KCNH1: variants seen among roughly 807,000 people sequenced by gnomAD.
KCNH1 encodes the protein voltage-gated delayed rectifier potassium channel KCNH1.
KCNH1 carries 27 observed loss-of-function variants against 69.2 expected under a neutral mutation model. The observed-to-expected ratio is 0.39, with a 90% CI of 0.29 to 0.54. The LOEUF (loss-of-function observed/expected upper bound fraction) is 0.54, where lower values mean the gene tolerates loss of function less well. Among genes scored for constraint, KCNH1 ranks in the 20% least tolerant of loss-of-function variants. KCNH1 has a pLI of 0.68. For synonymous variants in KCNH1, 456 were observed against 487.7 expected (o/e 0.93, Z 0.86); for missense variants, 798 against 1,261.6 (o/e 0.63, Z 5.57).
intron 7 of KCNH1, among the ~76,000 whole-genome samples, chr1:210,897,262 G>A (rs1686888903): frequency 6.6e-6 from 1 of 152,228 alleles, no homozygotes; most frequent in South Asian, 2.1e-4. Context: ...GAAAAGAGAA[G>A]TAGAAATCCT....
At chr1:211,104,645 A>T (rs932137648) in intron 2 of KCNH1, among the ~76,000 whole-genome samples, 1 of 152,122 alleles carries the variant, frequency 6.6e-6, no homozygotes, top group Non-Finnish European at 1.5e-5. Context: ...ACATCTTTCA[A>T]TGGGGCTGGA....
At chr1:211,068,760 A>G (rs868808633) in intron 5 of KCNH1, among the ~76,000 whole-genome samples, 1 of 152,196 alleles carries the variant, frequency 6.6e-6, no homozygotes, top group African/African-American at 2.4e-5. Flanking sequence ...AAAGCTAGAA[A>G]GACAGACTGG....
intron 5 of KCNH1, among the ~76,000 whole-genome samples, chr1:211,022,891 C>G (rs984534589): frequency 1.3e-5 from 2 of 152,030 alleles, no homozygotes; most frequent in Non-Finnish European, 2.9e-5. Context: ...GAGGGTGGAT[C>G]ACCTGAGGTC....
At chr1:211,016,276 C>T (rs998081625) in intron 6 of KCNH1, among the ~76,000 whole-genome samples, 4 of 152,034 alleles carry the variant, frequency 2.6e-5, no homozygotes, top group Non-Finnish European at 5.9e-5. Flanking sequence ...GAACTCTTTC[C>T]TAGGGGAGAA....
At chr1:211,109,983 T>C (rs1300849825) in intron 1 of KCNH1, among the ~76,000 whole-genome samples, 2 of 149,130 alleles carry the variant, frequency 1.3e-5, no homozygotes, top group African/African-American at 2.5e-5. Context: ...GATAAAGTCT[T>C]ACAGAAAGTA....
intron 6 of KCNH1, among the ~76,000 whole-genome samples, chr1:210,977,727 G>T (rs544893283): frequency 6.6e-6 from 1 of 152,168 alleles, no homozygotes; most frequent in South Asian, 2.1e-4. Flanking sequence ...AAGGTAACTG[G>T]GCTGAATCCT....
At chr1:210,795,044 A>T (rs1414208419) in intron 9 of KCNH1, among the ~76,000 whole-genome samples, 1 of 152,198 alleles carries the variant, frequency 6.6e-6, no homozygotes, top group African/African-American at 2.4e-5. Flanking sequence ...TGCAGGGTTC[A>T]GTGGATACCA....
intron 5 of KCNH1, among the ~76,000 whole-genome samples, chr1:211,026,400 C>A (rs7540154): frequency 4.3e-5 from 6 of 138,998 alleles, no homozygotes; most frequent in African/African-American, 5.3e-5. Flanking sequence ...AAAAAACAAC[C>A]ACAACAACAA....
intron 6 of KCNH1, among the ~76,000 whole-genome samples, chr1:210,985,445 C>A (rs911557375): frequency 2.1e-4 from 32 of 152,184 alleles, no homozygotes; most frequent in Admixed American, 1.3e-4. Context: ...CCTCTACACA[C>A]TGCTTTGAAC....
intron 10 of KCNH1, among the ~76,000 whole-genome samples, chr1:210,770,256 A>T (rs1012354138): frequency 6.6e-6 from 1 of 152,230 alleles, no homozygotes; most frequent in Non-Finnish European, 1.5e-5. Flanking sequence ...CCTAATGCAC[A>T]TGGGACTTAA....
At chr1:210,736,495 A>G (rs1026044266) in intron 10 of KCNH1, among the ~76,000 whole-genome samples, 34 of 152,216 alleles carry the variant, frequency 2.2e-4, no homozygotes, top group African/African-American at 7.9e-4. Context: ...TGCAGTGAGC[A>G]GAGATCGCGC....
chr1:210,805,315 T>C (rs888408853), intron 7 of KCNH1, among the ~76,000 whole-genome samples: 10 of 152,206 alleles, frequency 6.6e-5, no homozygotes, highest in Non-Finnish European at 1.2e-4. Flanking sequence ...ATTATTGATA[T>C]ATAATAAACT....
At chr1:211,074,407 G>C (rs1398357294) in intron 5 of KCNH1, among the ~76,000 whole-genome samples, 1 of 151,972 alleles carries the variant, frequency 6.6e-6, no homozygotes, top group African/African-American at 2.4e-5. Context: ...TTACAGGATA[G>C]GAAGAAGAAA....
At chr1:211,128,260 G>C (rs1330642052) in intron 1 of KCNH1, among the ~76,000 whole-genome samples, 2 of 146,788 alleles carry the variant, frequency 1.4e-5, no homozygotes, top group Non-Finnish European at 3.0e-5. Context: ...CTGCACTCCA[G>C]CGACAAAGTG....
At chr1:210,985,991 T>G (rs531444858) in intron 6 of KCNH1, among the ~76,000 whole-genome samples, 91 of 152,232 alleles carry the variant, frequency 6.0e-4, no homozygotes, top group Admixed American at 2.2e-3. Flanking sequence ...TATATATTTA[T>G]GATAGTTAGC....
At chr1:211,075,774 G>A (rs537548606) in intron 5 of KCNH1, among the ~76,000 whole-genome samples, 1 of 152,352 alleles carries the variant, frequency 6.6e-6, no homozygotes, top group Admixed American at 6.5e-5. Flanking sequence ...AAGCAGGGCG[G>A]AGCATTGCCT....
intron 10 of KCNH1, among the ~76,000 whole-genome samples, chr1:210,716,772 T>C (rs1025409019): frequency 6.6e-6 from 1 of 152,188 alleles, no homozygotes; most frequent in Non-Finnish European, 1.5e-5. Context: ...GCTCTCTCTG[T>C]TCCAACTATG....
intron 6 of KCNH1, among the ~76,000 whole-genome samples, chr1:210,993,505 C>G (rs142444281): frequency 9.8e-5 from 15 of 152,348 alleles, no homozygotes; most frequent in African/African-American, 3.4e-4. Context: ...TCAATACTCT[C>G]TTCCCTCCTA....
At chr1:210,809,834 A>T (rs1300959168) in intron 7 of KCNH1, among the ~76,000 whole-genome samples, 2 of 152,184 alleles carry the variant, frequency 1.3e-5, no homozygotes, top group Non-Finnish European at 2.9e-5. Flanking sequence ...GTTTAGTGAG[A>T]TAGGGGTTAT....
Sources: gnomAD v4.1 joint callset for allele counts (sites outside exome capture counted in the v4.1 genomes callset) on GRCh38, gnomAD v4.1.1 for gene constraint, MANE v1.5 for transcripts, NCBI Gene and HGNC (gene_info 2026-07-23, HGNC 2026-07-21) for gene names.